TLE4: variants seen among roughly 807,000 people sequenced by gnomAD.
The protein encoded by TLE4 is TLE family member 4, transcriptional corepressor.
In TLE4, 8 loss-of-function variants were observed where a neutral mutation model predicts 92.8. The observed-to-expected ratio is 0.09, with a 90% CI of 0.05 to 0.16. The LOEUF is 0.16. Ranked by LOEUF, TLE4 falls within the 10% of genes least tolerant of loss-of-function variation. TLE4 has a pLI of 1.00. For synonymous variants in TLE4, 371 were observed against 374.1 expected (o/e 0.99, Z 0.10); for missense variants, 675 against 997.6 (o/e 0.68, Z 4.36).
chr9:79,583,086 AGTT>A lies in TLE4; in HGVS notation c.252+6913_252+6915del, dbSNP rs528289125. On this transcript the variant is annotated intron_variant, in intron 4 of 19. Transcript: ENST00000376552. ...TGCCTTAGTAATAGCTCTCAGTGGT[AGTT>A]GTTTTCTATCTATGGAGAGGGATTT... is the stretch of plus-strand genomic sequence containing the variant. Among the ~76,000 whole-genome samples, 498 of 152,284 alleles carry A rather than the reference AGTT, an allele frequency of 3.3e-3. 5 individuals carry two copies. Among genetic ancestry groups the A allele is most frequent in the Non-Finnish European group, 2.6e-3 (176 of 68,012 alleles).
intron 8 of TLE4, among the ~76,000 whole-genome samples, chr9:79,686,684 A>T (rs1305949002): frequency 1.3e-5 from 2 of 152,238 alleles, no homozygotes; most frequent in African/African-American, 4.8e-5. Context: ...AGAGGCAAAG[A>T]AGCATTCTTC....
intron 5 of TLE4, among the ~76,000 whole-genome samples, chr9:79,624,884 G>C (rs925317657): frequency 1.3e-5 from 2 of 152,142 alleles, no homozygotes; most frequent in Non-Finnish European, 2.9e-5. Flanking sequence ...GGTAGAGTAA[G>C]AGCTTTAAAA....
chr9:79,717,369 C>T (rs755344674), intron 14 of TLE4, among the ~76,000 whole-genome samples: 7 of 152,172 alleles, frequency 4.6e-5, no homozygotes, highest in Non-Finnish European at 1.0e-4. Context: ...AGTGTATCTC[C>T]AAGTCCTGTT....
Position 79,708,838 on chromosome 9 carries a change from G to A in TLE4, c.1263+52G>A, listed in dbSNP as rs778655112. 40 of 1,538,354 alleles carry A rather than the reference G, an allele frequency of 2.6e-5. 1 individual carries two copies. The Middle Eastern group carries it at 1.4e-3, about 52-fold the overall frequency. On this transcript the variant is annotated intron_variant, in intron 13 of 19. Transcript: ENST00000376552. ...ATTTTAGCACACGGAGGATTGTCAT[G>A]CTTGATTGATTGCGACAGGGTCTCG...
At chr9:79,603,617 C>T (rs1484972147) in intron 4 of TLE4, among the ~76,000 whole-genome samples, 1 of 151,924 alleles carries the variant, frequency 6.6e-6, no homozygotes, top group East Asian at 1.9e-4. Flanking sequence ...TACTGGGAAA[C>T]CAAAAAATTT....
At chr9:79,628,347 T>C (rs767838254) in intron 6 of TLE4, among the ~76,000 whole-genome samples, 3 of 152,150 alleles carry the variant, frequency 2.0e-5, no homozygotes, top group Non-Finnish European at 4.4e-5. Context: ...AAACACACTT[T>C]GAAATGCTAA....
At chr9:79,662,581 G>A (rs1281307798) in intron 8 of TLE4, among the ~76,000 whole-genome samples, 2 of 152,134 alleles carry the variant, frequency 1.3e-5, no homozygotes, top group African/African-American at 4.8e-5. Flanking sequence ...TGTCACCATG[G>A]TAACAAAGCT....
At chr9:79,700,432 A>C (rs2069488243) in intron 8 of TLE4, among the ~76,000 whole-genome samples, 1 of 151,994 alleles carries the variant, frequency 6.6e-6, no homozygotes, top group Non-Finnish European at 1.5e-5. Context: ...GTAAAGGTGG[A>C]GGGGTGGGGC....
intron 8 of TLE4, among the ~76,000 whole-genome samples, chr9:79,680,133 G>C (rs1293784144): frequency 1.3e-5 from 2 of 152,062 alleles, no homozygotes; most frequent in African/African-American, 4.8e-5. Context: ...CTTTAAAGTA[G>C]TTTTTTCCAA....
chr9:79,707,479 T>C (rs553642371), intron 11 of TLE4, among the ~76,000 whole-genome samples: 1 of 152,276 alleles, frequency 6.6e-6, no homozygotes, highest in South Asian at 2.1e-4. Context: ...TCACCAGTTA[T>C]TTCCTTGTAA....
At chr9:79,602,839 G>A (rs372721607) in intron 4 of TLE4, among the ~76,000 whole-genome samples, 2 of 152,244 alleles carry the variant, frequency 1.3e-5, no homozygotes. Context: ...TCTGAGCAAG[G>A]TAAATTGAAA....
At chr9:79,719,093 A>T in intron 15 of TLE4, 122 bp downstream of exon 15, 2 of 1,391,932 alleles carry the variant, frequency 1.4e-6, no homozygotes, top group Non-Finnish European at 1.9e-6. Flanking sequence ...GTTGCTCTTC[A>T]GGGGACTGCG....
chr9:79,720,379 T>TGGGG lies in TLE4; in HGVS notation c.1838+87_1838+88insGGGG, dbSNP rs1302792774. On this transcript the variant is annotated intron_variant, in intron 16 of 19. Coordinates refer to ENST00000376552, the MANE Select transcript of TLE4 (RefSeq NM_007005.6). ...AAAGTGCTGTGTATATAGGTATGGGTGTGTGTGTGTGTGTGTGTGTGTGTG... is the reference window on the plus strand; with the variant it reads ...AAAGTGCTGTGTATATAGGTATGGGTGGGGGTGTGTGTGTGTGTGTGTGTGTGTG... 1.2e-5 allele frequency: 4 copies of TGGGG among 330,256 alleles called. No homozygotes were observed. The African/African-American group carries it at 3.1e-4, about 26-fold the overall frequency. The allele number at this position is 330,256 out of a possible 1,614,324, so 20.5% of individuals were successfully genotyped here. A position where few individuals can be genotyped will look rare whatever the true frequency, so the allele number is the denominator to read the frequency against.
chr9:79,712,865 CAT>C (rs1052308627), intron 14 of TLE4, among the ~76,000 whole-genome samples: 14 of 152,198 alleles, frequency 9.2e-5, no homozygotes, highest in African/African-American at 2.7e-4. Context: ...TGAGATGTGA[CAT>C]GTGAACACAG....
intron 6 of TLE4, among the ~76,000 whole-genome samples, chr9:79,641,919 A>T (rs2057231625): frequency 6.6e-6 from 1 of 151,584 alleles, no homozygotes; most frequent in Non-Finnish European, 1.5e-5. Context: ...ATGAGTGTAC[A>T]GTGAAGTCTA....
intron 8 of TLE4, among the ~76,000 whole-genome samples, chr9:79,696,256 T>C (rs1385407947): frequency 6.6e-6 from 1 of 152,260 alleles, no homozygotes; most frequent in East Asian, 1.9e-4. Flanking sequence ...TTTACTGTTA[T>C]ACATTTAAAA....
At chr9:79,653,986 T>C in intron 7 of TLE4, 73 bp from the exon 8 acceptor site, 1 of 1,512,172 alleles carries the variant, frequency 6.6e-7, no homozygotes, top group Non-Finnish European at 9.2e-7. Flanking sequence ...TGATTTTATG[T>C]AAACTAACTA....
In TLE4 at chr9:79,704,866, G is replaced by A; in HGVS notation, c.693G>A (p.Lys231=). The A allele has an allele frequency of 1.9e-6, 3 of 1,614,104 alleles. No homozygotes were observed. The highest frequency in any genetic ancestry group is 1.1e-5 in the South Asian group (1 of 91,084). Residue 231 remains lysine, a synonymous_variant, in exon 9 of 20, where the codon AAG becomes AAA. Transcript: ENST00000376552. Reference sequence around the variant, plus strand: ...CAGACTACTCCTCAGAGAGCAAAAAGCAGAAAACTGAAGAAAAGGAAATTG... The same window carrying A: ...CAGACTACTCCTCAGAGAGCAAAAAACAGAAAACTGAAGAAAAGGAAATTG... ...NSADYSSESK[K]QKTEEKEIAA...
intron 4 of TLE4, among the ~76,000 whole-genome samples, chr9:79,595,519 A>T (rs1384802002): frequency 6.6e-6 from 1 of 152,246 alleles, no homozygotes; most frequent in Non-Finnish European, 1.5e-5. Context: ...TTTCTGCTTT[A>T]GAATACTTAA....
Sources: gnomAD v4.1 joint callset for allele counts (sites outside exome capture counted in the v4.1 genomes callset) on GRCh38, gnomAD v4.1.1 for gene constraint, MANE v1.5 for transcripts, NCBI Gene and HGNC (gene_info 2026-07-23, HGNC 2026-07-21) for gene names.